ROBO2: variants seen among roughly 807,000 people sequenced by gnomAD.
ROBO2 encodes roundabout homolog 2.
In ROBO2, 53 loss-of-function variants were observed where a neutral mutation model predicts 160.8. The observed-to-expected ratio is 0.33, with a 90% CI of 0.26 to 0.41. The LOEUF is 0.41. Ranked by LOEUF, ROBO2 falls within the 10% of genes least tolerant of loss-of-function variation. The pLI is 1.00. For missense variants in ROBO2, 1,577 were observed against 1,722.4 expected (o/e 0.92, Z 1.49); for synonymous variants, 664 against 611.7 (o/e 1.09, Z -1.26).
At chr3:76,049,595 A>C (rs969780776) in intron 2 of ROBO2, among the ~76,000 whole-genome samples, 4 of 151,578 alleles carry the variant, frequency 2.6e-5, no homozygotes, top group Non-Finnish European at 4.4e-5. Flanking sequence ...AGGACAAAAA[A>C]TATTTAAGGC....
At chr3:76,903,950 G>GAA (rs2075414035) in intron 2 of ROBO2, among the ~76,000 whole-genome samples, 1 of 151,960 alleles carries the variant, frequency 6.6e-6, no homozygotes, top group Non-Finnish European at 1.5e-5. Flanking sequence ...AAAAGAAAAA[G>GAA]AAAAAGAAAT....
rs535356193 is a variant in ROBO2 at position 76,118,049 on chromosome 3, C to T, written c.109+180447C>T. ...TAGGAGATATACCTAATGGAAATGACGAGTTAATGGGTGCAGCACACCAAC... is the reference window on the plus strand; with the variant it reads ...TAGGAGATATACCTAATGGAAATGATGAGTTAATGGGTGCAGCACACCAAC... On this transcript the variant is annotated intron_variant, in intron 2 of 26. Transcript: ENST00000487694. Among the ~76,000 whole-genome samples, 26 of 151,994 alleles carry T rather than the reference C, an allele frequency of 1.7e-4. No individual in the cohort carries two copies. The East Asian group carries it at 4.1e-3, about 24-fold the overall frequency.
chr3:77,247,934 C>G (rs62249674), intron 2 of ROBO2, among the ~76,000 whole-genome samples: 3,856 of 152,262 alleles, frequency 0.025, 62 homozygotes, highest in Middle Eastern at 0.058. Flanking sequence ...AGCCTGGAAC[C>G]ATGGCCAAAA....
At chr3:76,281,235 CA>C (rs1023344090) in intron 2 of ROBO2, among the ~76,000 whole-genome samples, 2 of 151,508 alleles carry the variant, frequency 1.3e-5, no homozygotes, top group African/African-American at 4.8e-5. Context: ...TGGGAAACAC[CA>C]AGAGAGCATA....
chr3:76,130,259 T>A (rs997831665), intron 2 of ROBO2, among the ~76,000 whole-genome samples: 1 of 152,086 alleles, frequency 6.6e-6, no homozygotes, highest in Non-Finnish European at 1.5e-5. Context: ...AGACTTGCAT[T>A]TGGATATTTA....
intron 1 of ROBO2, among the ~76,000 whole-genome samples, chr3:77,087,912 C>T (rs988128331): frequency 6.6e-6 from 1 of 151,610 alleles, no homozygotes; most frequent in Non-Finnish European, 1.5e-5. Context: ...ATTGTATATT[C>T]ATATATATAT....
intron 2 of ROBO2, among the ~76,000 whole-genome samples, chr3:76,512,895 T>C (rs1443448933): frequency 1.3e-5 from 2 of 152,178 alleles, no homozygotes; most frequent in East Asian, 1.9e-4. Context: ...TCAACCCGTA[T>C]GTGCTAACCT....
chr3:77,297,500 G>A (rs2062252455), intron 2 of ROBO2, among the ~76,000 whole-genome samples: 1 of 152,110 alleles, frequency 6.6e-6, no homozygotes, highest in Admixed American at 6.6e-5. Context: ...GTCCTTTACA[G>A]GCAGATCTGG....
intron 2 of ROBO2, among the ~76,000 whole-genome samples, chr3:77,185,929 C>G (rs371569798): frequency 6.6e-6 from 1 of 151,766 alleles, no homozygotes; most frequent in Non-Finnish European, 1.5e-5. Flanking sequence ...AGCTCAGGAG[C>G]GGAAAACCAG....
At chr3:77,621,892 G>T (rs2094908793) in intron 22 of ROBO2, among the ~76,000 whole-genome samples, 1 of 152,062 alleles carries the variant, frequency 6.6e-6, no homozygotes, top group Non-Finnish European at 1.5e-5. Flanking sequence ...AATATTTTTG[G>T]AGAAAAATAT....
At chr3:77,546,711 A>G (rs974004974) in intron 7 of ROBO2, among the ~76,000 whole-genome samples, 1 of 152,234 alleles carries the variant, frequency 6.6e-6, no homozygotes, top group East Asian at 1.9e-4. Flanking sequence ...TAACAAAATT[A>G]TCGTTAAAAG....
intron 2 of ROBO2, among the ~76,000 whole-genome samples, chr3:76,344,928 A>T (rs1053051903): frequency 1.3e-5 from 2 of 152,144 alleles, no homozygotes; most frequent in Non-Finnish European, 1.5e-5. Flanking sequence ...GTAAGTATTT[A>T]TCTGTATAAG....
At chr3:76,963,076 A>T (rs1487762368) in intron 2 of ROBO2, among the ~76,000 whole-genome samples, 1 of 152,180 alleles carries the variant, frequency 6.6e-6, no homozygotes. Context: ...AACAAATGGA[A>T]AAAAAGGAAG....
intron 2 of ROBO2, among the ~76,000 whole-genome samples, chr3:77,134,006 G>A (rs574203661): frequency 1.4e-3 from 215 of 152,062 alleles, no homozygotes; most frequent in African/African-American, 4.0e-3. Context: ...GAGAAATCCC[G>A]TCTCTACTAA....
intron 2 of ROBO2, among the ~76,000 whole-genome samples, chr3:77,312,863 C>T (rs2063665784): frequency 6.6e-6 from 1 of 152,178 alleles, no homozygotes; most frequent in African/African-American, 2.4e-5. Flanking sequence ...ATTCAGCACA[C>T]ACATTTTAAA....
intron 2 of ROBO2, among the ~76,000 whole-genome samples, chr3:76,206,105 G>T (rs138903534): frequency 1.3e-5 from 2 of 151,958 alleles, no homozygotes; most frequent in Non-Finnish European, 2.9e-5. Context: ...AAATAAAGTC[G>T]TACAATTCCC....
At chr3:77,048,415 G>A (rs928673086) in intron 1 of ROBO2, among the ~76,000 whole-genome samples, 3 of 152,102 alleles carry the variant, frequency 2.0e-5, no homozygotes, top group African/African-American at 4.8e-5. Flanking sequence ...CAAGTGAAAG[G>A]TGCGACGAAT....
intron 2 of ROBO2, among the ~76,000 whole-genome samples, chr3:76,584,994 C>A (rs2085944547): frequency 6.6e-6 from 1 of 152,176 alleles, no homozygotes; most frequent in South Asian, 2.1e-4. Flanking sequence ...GCAGTTCATT[C>A]ATCACCTTGT....
intron 2 of ROBO2, among the ~76,000 whole-genome samples, chr3:76,908,443 A>T (rs762190167): frequency 1.3e-5 from 2 of 152,116 alleles, no homozygotes; most frequent in Non-Finnish European, 2.9e-5. Context: ...TTGATGTGAC[A>T]CCATCTAGTA....
Sources: gnomAD v4.1 joint callset for allele counts (sites outside exome capture counted in the v4.1 genomes callset) on GRCh38, gnomAD v4.1.1 for gene constraint, MANE v1.5 for transcripts, NCBI Gene and HGNC (gene_info 2026-07-23, HGNC 2026-07-21) for gene names.